Variants in MAD1L1 observed in about 807,000 individuals in gnomAD.
The protein encoded by MAD1L1 is mitotic arrest deficient 1 like 1.
A neutral mutation model predicts 96.9 loss-of-function variants in MAD1L1; 95 were observed. The observed-to-expected ratio is 0.98, with a 90% CI of 0.83 to 1.16. The LOEUF (loss-of-function observed/expected upper bound fraction) is 1.16. MAD1L1 is among the 50% of genes most tolerant of loss of function. The pLI, the probability that MAD1L1 is intolerant of heterozygous loss-of-function variation, is 0.00. For missense variants in MAD1L1, 1,007 were observed against 954.4 expected (o/e 1.06, Z -0.73); for synonymous variants, 473 against 396.6 (o/e 1.19, Z -2.29).
intron 10 of MAD1L1, among the ~76,000 whole-genome samples, chr7:2,166,661 G>A (rs1790443450): frequency 6.6e-6 from 1 of 152,256 alleles, no homozygotes; most frequent in African/African-American, 2.4e-5. Flanking sequence ...AGCTTGGGAT[G>A]CAACCACACA....
Position 2,014,988 on chromosome 7 carries a change from C to A in MAD1L1, c.1219-346G>T, listed in dbSNP as rs865799315. Among the ~76,000 whole-genome samples the A allele has an allele frequency of 2.2e-4, 34 of 152,346 alleles. No individual in the cohort carries two copies. The South Asian group carries it at 3.3e-3, about 15-fold the overall frequency. On this transcript the variant is annotated intron_variant, in intron 12 of 18. Transcript: ENST00000265854. ...TCTGCCCCTGTGGACACAGCACACA[C>A]AAGGCGAGGGCGCACAGTGGGCAGA... is the stretch of plus-strand genomic sequence containing the variant.
At chr7:2,004,179 C>G (rs1781926847) in intron 13 of MAD1L1, among the ~76,000 whole-genome samples, 1 of 152,214 alleles carries the variant, frequency 6.6e-6, no homozygotes, top group Non-Finnish European at 1.5e-5. Flanking sequence ...GGCCAGAGAG[C>G]AGCCCAAACA....
At chr7:1,994,054 G>A (rs561929664) in intron 14 of MAD1L1, among the ~76,000 whole-genome samples, 2 of 152,348 alleles carry the variant, frequency 1.3e-5, no homozygotes, top group East Asian at 1.9e-4. Flanking sequence ...GTGCCAACAC[G>A]GGCAGGTCAC....
intron 17 of MAD1L1, among the ~76,000 whole-genome samples, chr7:1,926,064 G>A (rs1344007232): frequency 6.6e-6 from 1 of 152,164 alleles, no homozygotes; most frequent in East Asian, 1.9e-4. Context: ...CCAGTATCAG[G>A]AAGGAAGGAG....
chr7:2,068,164 C>CA (rs1265328878), intron 12 of MAD1L1, among the ~76,000 whole-genome samples: 2 of 152,326 alleles, frequency 1.3e-5, no homozygotes, highest in Non-Finnish European at 1.5e-5. Flanking sequence ...GGTGCACCTG[C>CA]AAAGCCAGGG....
chr7:1,888,224 G>A (rs1786270379), intron 18 of MAD1L1, among the ~76,000 whole-genome samples: 1 of 151,792 alleles, frequency 6.6e-6, no homozygotes, highest in African/African-American at 2.4e-5. Flanking sequence ...GTGTGTGCAT[G>A]CATGCATGTA....
chr7:2,005,676 C>G (rs1782000640), intron 13 of MAD1L1, among the ~76,000 whole-genome samples: 1 of 152,118 alleles, frequency 6.6e-6, no homozygotes, highest in East Asian at 1.9e-4. Context: ...TAGCACACAA[C>G]TGTGGTCCCA....
At chr7:2,156,207 C>T (rs7801744) in intron 10 of MAD1L1, among the ~76,000 whole-genome samples, 29,452 of 67,484 alleles carry the variant, frequency 0.44, 7,840 homozygotes, top group East Asian at 0.55. Context: ...AGCGGGCGCA[C>T]GGTTTCACGG....
At chr7:1,913,449 C>G (rs1788150648) in intron 17 of MAD1L1, among the ~76,000 whole-genome samples, 1 of 152,176 alleles carries the variant, frequency 6.6e-6, no homozygotes, top group African/African-American at 2.4e-5. Flanking sequence ...GAGAAGGGAA[C>G]CGTCGGGGGA....
intron 15 of MAD1L1, among the ~76,000 whole-genome samples, chr7:1,963,378 G>A (rs1000060715): frequency 1.3e-5 from 2 of 152,154 alleles, no homozygotes; most frequent in Non-Finnish European, 2.9e-5. Context: ...ACAGCCGCCC[G>A]CCAATCTACA....
At chr7:1,939,615 A>G (rs570245638) in intron 16 of MAD1L1, among the ~76,000 whole-genome samples, 27 of 152,350 alleles carry the variant, frequency 1.8e-4, no homozygotes, top group African/African-American at 6.3e-4. Context: ...CCCTTTGGCA[A>G]TGAGTTCCTG....
chr7:2,019,667 C>T (rs537987059), intron 12 of MAD1L1, among the ~76,000 whole-genome samples: 1 of 152,112 alleles, frequency 6.6e-6, no homozygotes, highest in African/African-American at 2.4e-5. Flanking sequence ...CAGCCACCCC[C>T]CACACAAGGC....
intron 15 of MAD1L1, among the ~76,000 whole-genome samples, chr7:1,967,906 G>T (rs1336810946): frequency 1.3e-5 from 2 of 148,424 alleles, no homozygotes; most frequent in East Asian, 3.9e-4. Context: ...AGAGCACGCG[G>T]GAAACTCCCT....
At chr7:1,898,431 G>T in intron 17 of MAD1L1, 41 bp from the exon 18 acceptor site, 2 of 1,586,068 alleles carry the variant, frequency 1.3e-6, no homozygotes, top group Non-Finnish European at 1.7e-6. Flanking sequence ...GCGGCACCAG[G>T]CCGGAGGGGT....
intron 18 of MAD1L1, among the ~76,000 whole-genome samples, chr7:1,858,457 G>A (rs1213487524): frequency 1.3e-5 from 2 of 152,250 alleles, no homozygotes; most frequent in Non-Finnish European, 2.9e-5. Context: ...GGCTCTGCGT[G>A]TGAGAGGGTG....
intron 14 of MAD1L1, among the ~76,000 whole-genome samples, chr7:1,998,740 C>A (rs1011963786): frequency 3.3e-5 from 5 of 151,592 alleles, no homozygotes; most frequent in African/African-American, 1.2e-4. Context: ...CCCTGCCAAC[C>A]CCCCGCCAAG....
At chr7:2,001,505 C>T (rs1584040862) in intron 14 of MAD1L1, among the ~76,000 whole-genome samples, 1 of 152,272 alleles carries the variant, frequency 6.6e-6, no homozygotes, top group Admixed American at 6.5e-5. Flanking sequence ...CCCACCCAGG[C>T]TCGGAGGCAG....
chr7:2,156,256 G>A (rs1330353090), intron 10 of MAD1L1, among the ~76,000 whole-genome samples: 5 of 151,524 alleles, frequency 3.3e-5, no homozygotes, highest in Non-Finnish European at 5.9e-5. Context: ...GTTTCACGGC[G>A]CGTGTGGCGA....
Position 2,217,963 on chromosome 7 carries a change from T to C in MAD1L1, c.677A>G (p.Lys226Arg). Residue 226 changes from lysine to arginine, a missense_variant and splice_region_variant, in exon 7 of 19, where the codon AAG (lysine) becomes AGG (arginine). Lys to Arg is a conservative substitution (Grantham distance 26). Transcript: ENST00000265854. Reference protein sequence around the residue: ...EARADHEQQIKDLEQKLSLQE... With the variant: ...EARADHEQQIRDLEQKLSLQE... Reference sequence around the variant, plus strand: ...AGGCACTGACAGGGAGTGACTCACCTTAATCTGCTGCTCGTGGTCTGCTCT... The same window carrying C: ...AGGCACTGACAGGGAGTGACTCACCCTAATCTGCTGCTCGTGGTCTGCTCT... The C allele has an allele frequency of 1.9e-6, 3 of 1,613,174 alleles. No individual in the cohort carries two copies. Among genetic ancestry groups the C allele is most frequent in the Non-Finnish European group, 2.5e-6 (3 of 1,179,108 alleles).
Sources: allele counts gnomAD v4.1 joint callset (sites outside exome capture counted in the v4.1 genomes callset), GRCh38; gene constraint gnomAD v4.1.1; transcripts MANE v1.5; gene names NCBI Gene and HGNC (gene_info 2026-07-23, HGNC 2026-07-21).